STARD13: variants seen among roughly 807,000 people sequenced by gnomAD.
STARD13 encodes the protein stAR-related lipid transfer protein 13.
Under a neutral mutation model 106.4 loss-of-function variants are expected in STARD13, and 62 were observed. The ratio of observed to expected loss-of-function variants is 0.58; its 90% CI spans 0.48 to 0.72. The LOEUF is 0.72. STARD13 is among the 30% of genes least tolerant of loss of function. The pLI, the probability that STARD13 is intolerant of heterozygous loss-of-function variation, is 0.00. For synonymous variants in STARD13, 565 were observed against 553.0 expected (o/e 1.02, Z -0.31); for missense variants, 1,387 against 1,424.0 (o/e 0.97, Z 0.42).
At chr13:33,633,744 A>G in the STARD13 span, among the ~76,000 whole-genome samples, 4 of 152,186 alleles carry the variant, frequency 2.6e-5, no homozygotes, top group Non-Finnish European at 5.9e-5. Context: ...TGCAGAATGG[A>G]AGAATTTAGC....
the STARD13 span, among the ~76,000 whole-genome samples, chr13:33,499,168 C>T: frequency 6.6e-6 from 1 of 151,952 alleles, no homozygotes; most frequent in African/African-American, 2.4e-5. Flanking sequence ...AAAACAAAAA[C>T]AAAAACAAAT....
the STARD13 span, among the ~76,000 whole-genome samples, chr13:33,431,941 T>C: frequency 6.6e-6 from 1 of 152,178 alleles, no homozygotes; most frequent in African/African-American, 2.4e-5. Context: ...GGCACTCTGC[T>C]TAGGGATCAA....
At position 33,104,082 on chromosome 13, in the gene STARD13, C is replaced by G. The variant is rs1292244496; in HGVS notation, c.*1511G>C. ...CATAAATGCATATAATGCAAAAAAA[C>G]CTGAAAACACTCATTTGCTTTTCTT... is the stretch of plus-strand genomic sequence containing the variant. On this transcript the variant is annotated 3_prime_UTR_variant, in exon 14 of 14. Transcript: ENST00000336934. 6.6e-6 allele frequency: 1 copy of G among 152,150 alleles called. No homozygotes were observed. The highest frequency in any genetic ancestry group is 1.5e-5 in the Non-Finnish European group (1 of 68,024). The allele number at this position is 152,150 out of a possible 1,614,324, so 9.4% of individuals were successfully genotyped here.
At chr13:33,319,187 T>G (rs1698538916) in intron 1 of STARD13, among the ~76,000 whole-genome samples, 2 of 152,160 alleles carry the variant, frequency 1.3e-5, no homozygotes, top group East Asian at 1.9e-4. Context: ...ATGTAGAATA[T>G]CCATACAATG....
chr13:33,473,533 T>A, the STARD13 span, among the ~76,000 whole-genome samples: 2 of 152,176 alleles, frequency 1.3e-5, no homozygotes, highest in Non-Finnish European at 2.9e-5. Context: ...AGCCTCTTCC[T>A]TAGCAACAGT....
chr13:33,525,742 G>C, the STARD13 span, among the ~76,000 whole-genome samples: 1,118 of 152,196 alleles, frequency 7.3e-3, 13 homozygotes, highest in African/African-American at 0.025. Context: ...AGCAGGAAAG[G>C]CTGGAGATGT....
chr13:33,302,832 T>C (rs1413031387), intron 1 of STARD13, among the ~76,000 whole-genome samples: 1 of 152,214 alleles, frequency 6.6e-6, no homozygotes, highest in Non-Finnish European at 1.5e-5. Flanking sequence ...CTCAGATTAA[T>C]CTCCTAAAGT....
chr13:33,451,399 A>G, the STARD13 span, among the ~76,000 whole-genome samples: 70 of 152,252 alleles, frequency 4.6e-4, no homozygotes, highest in African/African-American at 1.5e-3. Flanking sequence ...GATCGGACAC[A>G]AGTCAGGGGA....
chr13:33,360,728 A>AGAAGGAATCCTTCTGTG, the STARD13 span, among the ~76,000 whole-genome samples: 10 of 9,884 alleles, frequency 1.0e-3, no homozygotes, highest in Non-Finnish European at 1.5e-3. Context: ...ACAGAAGGAC[A>AGAAGGAATCCTTCTGTG]TATTGTTGAT....
In STARD13 at chr13:33,129,940, G is replaced by A; in HGVS notation, c.737C>T (p.Pro246Leu). The A allele has an allele frequency of 1.2e-6, 2 of 1,613,394 alleles. No homozygotes were observed. The highest frequency in any genetic ancestry group is 1.7e-6 in the Non-Finnish European group (2 of 1,179,918). The change falls in exon 5 of 14, where the codon CCC becomes CTC. Residue 246 changes from proline (P) to leucine (L), a missense_variant. Physicochemically the swap from Pro to Leu is moderately conservative, Grantham distance 98. Coordinates refer to ENST00000336934, the MANE Select transcript of STARD13 (RefSeq NM_178006.4). ...AGCCCTCGTGGGCTTCTCATTCTTG[G>A]GGTGGAAGGGGTGGTTGAGGACATC... ...PRDVLNHPFHPKNEKPTRARA... is the reference protein window; with the variant it reads ...PRDVLNHPFHLKNEKPTRARA...
chr13:33,264,622 T>C (rs1400990565), intron 1 of STARD13, among the ~76,000 whole-genome samples: 1 of 152,126 alleles, frequency 6.6e-6, no homozygotes. Context: ...GAGAATTGCA[T>C]TGACATATAA....
At chr13:33,636,497 T>C in the STARD13 span, among the ~76,000 whole-genome samples, 1 of 152,090 alleles carries the variant, frequency 6.6e-6, no homozygotes, top group Non-Finnish European at 1.5e-5. Flanking sequence ...AAACCGGGAC[T>C]CTCCCAGGAA....
chr13:33,130,378 T>C lies in STARD13; in HGVS notation c.388-89A>G. 8.0e-7 allele frequency: 1 copy of C among 1,253,568 alleles called. No homozygotes were observed. Among genetic ancestry groups the C allele is most frequent in the Non-Finnish European group, 1.1e-6 (1 of 898,320 alleles). The allele number at this position is 1,253,568 out of a possible 1,614,324, so 77.7% of individuals were successfully genotyped here. Reference sequence around the variant, plus strand: ...CTCTGAGGGCAGCCCTGTGTGGTCCTCCACCTCCCTCCCCTCTGTCCTCCC... The same window carrying C: ...CTCTGAGGGCAGCCCTGTGTGGTCCCCCACCTCCCTCCCCTCTGTCCTCCC... On this transcript the variant is annotated intron_variant, in intron 4 of 13. Coordinates refer to ENST00000336934, the MANE Select transcript of STARD13 (RefSeq NM_178006.4). This position sits in a 1 kb window ranked among gnomAD's most constrained non-coding sequence, Gnocchi z 4.1.
chr13:33,498,263 T>C, the STARD13 span, among the ~76,000 whole-genome samples: 1 of 152,208 alleles, frequency 6.6e-6, no homozygotes, highest in East Asian at 1.9e-4. Flanking sequence ...TCTCCTCTGC[T>C]AAGTGCACAC....
At chr13:33,210,608 G>T (rs1887664579) in intron 1 of STARD13, among the ~76,000 whole-genome samples, 1 of 152,144 alleles carries the variant, frequency 6.6e-6, no homozygotes, top group Non-Finnish European at 1.5e-5. Flanking sequence ...TAAAACACAG[G>T]TGATTTAAAA....
chr13:33,347,635 C>T (rs536235093), downstream of STARD13, among the ~76,000 whole-genome samples: 16 of 152,250 alleles, frequency 1.1e-4, no homozygotes, highest in African/African-American at 3.9e-4. Context: ...TAGTAATATG[C>T]TCTAGAGGTT....
At chr13:33,119,492 A>T (rs1240214669) in intron 7 of STARD13, among the ~76,000 whole-genome samples, 2 of 152,192 alleles carry the variant, frequency 1.3e-5, no homozygotes, top group Non-Finnish European at 2.9e-5. Context: ...AAGTTCGGGT[A>T]TGTGACAAAG....
chr13:33,559,224 G>A, the STARD13 span, among the ~76,000 whole-genome samples: 2 of 151,566 alleles, frequency 1.3e-5, no homozygotes. Context: ...ACATTAACCT[G>A]CTACATTTAT....
At chr13:33,658,631 G>C in the STARD13 span, among the ~76,000 whole-genome samples, 2 of 152,162 alleles carry the variant, frequency 1.3e-5, no homozygotes, top group African/African-American at 4.8e-5. Flanking sequence ...AGATACCAGA[G>C]ACTGTGATAT....
Sources: gnomAD v4.1 joint callset for allele counts (sites outside exome capture counted in the v4.1 genomes callset) on GRCh38, gnomAD v4.1.1 for gene constraint, Gnocchi (gnomAD v3.1) non-coding constraint, MANE v1.5 for transcripts, NCBI Gene and HGNC (gene_info 2026-07-23, HGNC 2026-07-21) for gene names.